PTPRT: variants seen among roughly 807,000 people sequenced by gnomAD.
PTPRT encodes receptor-type tyrosine-protein phosphatase T.
PTPRT carries 56 observed loss-of-function variants against 176.8 expected under a neutral mutation model. The observed-to-expected ratio is 0.32, with a 90% CI of 0.26 to 0.40. The LOEUF is 0.40. Among genes scored for constraint, PTPRT ranks in the 10% least tolerant of loss-of-function variants. PTPRT has a pLI of 1.00. For missense variants in PTPRT, 1,540 were observed against 1,908.2 expected, an observed-to-expected ratio of 0.81 and a Z score of 3.60; for synonymous variants, 783 against 739.0, an observed-to-expected ratio of 1.06 and a Z score of -0.96.
chr20:42,943,071 T>C (rs182334551), intron 1 of PTPRT, among the ~76,000 whole-genome samples: 2 of 152,316 alleles, frequency 1.3e-5, no homozygotes, highest in East Asian at 1.9e-4. Flanking sequence ...ATTTCACTCA[T>C]CCATTTATTT....
At chr20:42,961,682 T>C (rs1455793250) in intron 1 of PTPRT, among the ~76,000 whole-genome samples, 1 of 152,156 alleles carries the variant, frequency 6.6e-6, no homozygotes, top group African/African-American at 2.4e-5. Context: ...GGAGGGGTAC[T>C]GTGGTCAGTT....
intron 7 of PTPRT, among the ~76,000 whole-genome samples, chr20:42,480,624 T>C (rs1367557986): frequency 1.3e-5 from 2 of 152,124 alleles, no homozygotes; most frequent in East Asian, 1.9e-4. Flanking sequence ...TTTTGAAGGA[T>C]GATATGATGA....
intron 6 of PTPRT, among the ~76,000 whole-genome samples, chr20:42,727,034 C>G (rs6016881): frequency 0.018 from 2,675 of 152,232 alleles, 74 homozygotes; most frequent in African/African-American, 0.058. Context: ...CACTTTTTGC[C>G]TGCCAATACT....
At chr20:42,546,973 G>A (rs2072686952) in intron 7 of PTPRT, among the ~76,000 whole-genome samples, 1 of 152,060 alleles carries the variant, frequency 6.6e-6, no homozygotes, top group Non-Finnish European at 1.5e-5. Flanking sequence ...GAGAATTACT[G>A]AAACGTAACA....
chr20:42,172,174 TA>T (rs1331157555), intron 16 of PTPRT, among the ~76,000 whole-genome samples: 6 of 151,788 alleles, frequency 4.0e-5, no homozygotes, highest in Non-Finnish European at 5.9e-5. Flanking sequence ...CTTCTTGAGA[TA>T]AAAAAACATA....
At chr20:42,364,727 C>T (rs1185204352) in intron 9 of PTPRT, among the ~76,000 whole-genome samples, 1 of 152,140 alleles carries the variant, frequency 6.6e-6, no homozygotes, top group East Asian at 1.9e-4. Context: ...TCCTATTCTG[C>T]AGTGACCCCA....
At chr20:42,408,651 G>T (rs35727512) in intron 9 of PTPRT, among the ~76,000 whole-genome samples, 17,919 of 151,274 alleles carry the variant, frequency 0.12, 1,208 homozygotes, top group East Asian at 0.23. Flanking sequence ...GGCTATACAT[G>T]GGTGAACAGA....
chr20:42,093,522 C>T (rs1984857452), intron 27 of PTPRT, among the ~76,000 whole-genome samples: 1 of 152,202 alleles, frequency 6.6e-6, no homozygotes, highest in Non-Finnish European at 1.5e-5. Context: ...TGAGCAGGGG[C>T]AGATTTGGCC....
Position 42,189,125 on chromosome 20 carries a change from C to A in PTPRT, c.2491+10115G>T, listed in dbSNP as rs541153351. Among the ~76,000 whole-genome samples the A allele has an allele frequency of 1.6e-3, 250 of 152,298 alleles. 3 individuals are homozygous for A. The highest frequency in any genetic ancestry group is 6.8e-3 in the Middle Eastern group (2 of 294). ...GAGGCTCCAGCTACCATTCCAGCTT[C>A]GTCTCTGGCCATACATTCTTGACAC... On this transcript the variant is annotated intron_variant, in intron 16 of 30. Transcript: ENST00000373187.
intron 6 of PTPRT, among the ~76,000 whole-genome samples, chr20:42,689,259 G>A (rs2075752124): frequency 6.6e-6 from 1 of 152,180 alleles, no homozygotes; most frequent in South Asian, 2.1e-4. Flanking sequence ...AGTGACAATG[G>A]AACAATGTGG....
chr20:42,232,222 T>C (rs1445601469), intron 15 of PTPRT, among the ~76,000 whole-genome samples: 2 of 152,168 alleles, frequency 1.3e-5, no homozygotes, highest in South Asian at 2.1e-4. Context: ...CCAAAGTGTG[T>C]TGAAGAGAGA....
At chr20:43,010,732 A>G (rs908111192) in intron 1 of PTPRT, among the ~76,000 whole-genome samples, 1 of 151,074 alleles carries the variant, frequency 6.6e-6, no homozygotes, top group Admixed American at 6.6e-5. Context: ...CTTGCAAGAA[A>G]AAAAAAAAAA....
rs147688466 is a variant in PTPRT, at chr20:42,480,022, C to T, written c.1154-7460G>A. ...CATGTCACCTTGTGAGAAGGCAACA[C>T]GGTTGCTACCCTCCCATAGCAATGC... On this transcript the variant is annotated intron_variant, in intron 7 of 30. Transcript: ENST00000373187. Among the ~76,000 whole-genome samples the T allele has an allele frequency of 2.2e-4, 34 of 152,308 alleles. No homozygotes were observed. In the East Asian group the frequency reaches 5.8e-3, roughly 26 times the overall value.
rs1279003768 is a variant in PTPRT, at chr20:42,201,523, G to C, written c.2343-2135C>G. ...TTATAAAAGGTCTGCTGATAAAGGT[G>C]ACAAATGTATAGAGACCCATAATAT... On this transcript the variant is annotated intron_variant, in intron 15 of 30. Coordinates refer to ENST00000373187, the MANE Select transcript of PTPRT (RefSeq NM_007050.6). Among the ~76,000 whole-genome samples the C allele has an allele frequency of 3.3e-5, 5 of 152,022 alleles. No individual in the cohort carries two copies. In the East Asian group the frequency reaches 9.6e-4, roughly 29 times the overall value.
chr20:43,119,798 A>T, intron 1 of PTPRT, among the ~76,000 whole-genome samples: 1 of 152,220 alleles, frequency 6.6e-6, no homozygotes, highest in East Asian at 1.9e-4. Context: ...CTGAGAGGTA[A>T]GCAATGAGTC....
At chr20:42,644,512 T>A (rs144109056) in intron 7 of PTPRT, among the ~76,000 whole-genome samples, 3 of 152,126 alleles carry the variant, frequency 2.0e-5, no homozygotes, top group African/African-American at 2.4e-5. Flanking sequence ...TAGGTTAGGC[T>A]CTTACCTGTG....
At chr20:43,014,274 A>G (rs1306209882) in intron 1 of PTPRT, among the ~76,000 whole-genome samples, 1 of 152,156 alleles carries the variant, frequency 6.6e-6, no homozygotes, top group African/African-American at 2.4e-5. Flanking sequence ...ATCTGCATAT[A>G]ACAAGATAAG....
chr20:43,105,612 G>T (rs939426872), intron 1 of PTPRT, among the ~76,000 whole-genome samples: 1 of 152,110 alleles, frequency 6.6e-6, no homozygotes, highest in East Asian at 1.9e-4. Context: ...TGTTGCCCAG[G>T]CTGGCTCAAA....
chr20:42,565,768 A>G (rs935385150), intron 7 of PTPRT, among the ~76,000 whole-genome samples: 2 of 152,142 alleles, frequency 1.3e-5, no homozygotes, highest in Non-Finnish European at 2.9e-5. Context: ...GAGCCGGGGC[A>G]GGGAGTGGGG....
Sources: gnomAD v4.1 joint callset for allele counts (sites outside exome capture counted in the v4.1 genomes callset) on GRCh38, gnomAD v4.1.1 for gene constraint, MANE v1.5 for transcripts, NCBI Gene and HGNC (gene_info 2026-07-23, HGNC 2026-07-21) for gene names.